Variants in FLT3 observed in about 807,000 individuals in gnomAD.
The protein encoded by FLT3 is fms related receptor tyrosine kinase 3.
FLT3 carries 46 observed loss-of-function variants against 126.6 expected under a neutral mutation model. That is an observed-to-expected ratio of 0.36 (90% CI 0.29 to 0.46). The LOEUF is 0.46. Ranked by LOEUF, FLT3 falls within the 20% of genes least tolerant of loss-of-function variation. The pLI is 1.00. For synonymous variants in FLT3, 404 were observed against 434.4 expected (o/e 0.93, Z 0.87); for missense variants, 1,069 against 1,190.3 (o/e 0.90, Z 1.50).
intron 3 of FLT3, among the ~76,000 whole-genome samples, chr13:28,058,363 T>G (rs1279424455): frequency 6.6e-6 from 1 of 150,792 alleles, no homozygotes; most frequent in African/African-American, 2.4e-5. Context: ...AAATACAAAA[T>G]TAGCTGGGTG....
In FLT3 at chr13:28,100,475, C is replaced by G. The variant is rs536837435; in HGVS notation, c.36G>C (p.Pro12=). Residue 12 remains proline (P), a synonymous_variant, in exon 1 of 24, where the codon CCG becomes CCC. Transcript: ENST00000241453. This position sits in a 1 kb window ranked among gnomAD's most constrained non-coding sequence, Gnocchi z 4.8. ...PALARDGGQL[P]LLVVFSAMIF... ...GAGCGAGCGGGGCCTTACCGAGCAG[C>G]GGCAGCTGGCCGCCGTCGCGCGCCA... 3 of 1,217,598 alleles carry G rather than the reference C, an allele frequency of 2.5e-6. No individual in the cohort carries two copies. Among genetic ancestry groups the G allele is most frequent in the South Asian group, 8.3e-5 (2 of 24,234 alleles). The allele number at this position is 1,217,598 out of a possible 1,614,324, so 75.4% of individuals were successfully genotyped here. A position where few individuals can be genotyped will look rare whatever the true frequency, so the allele number is the denominator to read the frequency against.
chr13:28,049,273 A>C, intron 8 of FLT3, 111 bp downstream of exon 8: 1 of 969,958 alleles, frequency 1.0e-6, no homozygotes, highest in South Asian at 1.6e-5. Flanking sequence ...TTTCTTTCTT[A>C]GTGTTTGATA....
At chr13:28,037,364 G>A (rs1873928261) in intron 9 of FLT3, 76 bp from the exon 10 acceptor site, 1 of 854,000 alleles carries the variant, frequency 1.2e-6, no homozygotes, top group East Asian at 2.4e-5. Flanking sequence ...AGTGTGCATG[G>A]GAGGTGTCTT....
intron 9 of FLT3, 79 bp downstream of exon 9, chr13:28,048,196 A>G (rs1875077030): frequency 8.6e-6 from 10 of 1,158,682 alleles, no homozygotes; most frequent in Non-Finnish European, 1.1e-5. Context: ...TTCCATAAGT[A>G]TAAAACTGTC....
chr13:28,065,696 C>T (rs1434893084), intron 2 of FLT3, among the ~76,000 whole-genome samples: 2 of 141,344 alleles, frequency 1.4e-5, no homozygotes, highest in Non-Finnish European at 3.0e-5. Flanking sequence ...GGTGTGGTGG[C>T]TCACGCCTGT....
At chr13:28,081,329 G>A (rs961420097) in intron 1 of FLT3, among the ~76,000 whole-genome samples, 1 of 151,986 alleles carries the variant, frequency 6.6e-6, no homozygotes, top group Non-Finnish European at 1.5e-5. Context: ...TTTTCATTAT[G>A]GGTCTTGCCC....
chr13:28,088,912 G>A (rs1878858884), intron 1 of FLT3, among the ~76,000 whole-genome samples: 1 of 152,190 alleles, frequency 6.6e-6, no homozygotes, highest in East Asian at 1.9e-4. Context: ...ATGAAGACAA[G>A]CCACAGACTG....
intron 9 of FLT3, among the ~76,000 whole-genome samples, chr13:28,041,723 G>A (rs1429277124): frequency 1.3e-5 from 2 of 152,208 alleles, no homozygotes; most frequent in Non-Finnish European, 2.9e-5. Context: ...CTGATTGGGA[G>A]ATGCAAAGCT....
rs762970489 is a variant in FLT3, at chr13:28,027,116, G to A, written c.2179C>T (p.Pro727Ser). 2.5e-6 allele frequency: 4 copies of A among 1,613,476 alleles called. No individual in the cohort carries two copies. Among genetic ancestry groups the A allele is most frequent in the Admixed American group, 1.7e-5 (1 of 59,910 alleles). Residue 727 changes from proline (P) to serine (S), a missense_variant, in exon 17 of 24, where the codon CCC (proline) becomes TCC (serine). Coordinates refer to ENST00000241453, the MANE Select transcript of FLT3 (RefSeq NM_004119.3). ...IFKEHNFSFYPTFQSHPNSSM... is the reference protein window; with the variant it reads ...IFKEHNFSFYSTFQSHPNSSM... ...GAATTTGGATGTGATTGGAAAGTGG[G>A]GTAAAAACTGAAATTGTGTTCCTTG...
intron 19 of FLT3, among the ~76,000 whole-genome samples, chr13:28,019,370 A>G (rs1012080583): frequency 6.6e-6 from 1 of 152,206 alleles, no homozygotes; most frequent in African/African-American, 2.4e-5. Context: ...GGAGAGGTTT[A>G]CTGAACTGGA....
chr13:28,088,774 C>T (rs868184548), intron 1 of FLT3, among the ~76,000 whole-genome samples: 1 of 151,258 alleles, frequency 6.6e-6, no homozygotes, highest in Admixed American at 6.6e-5. Flanking sequence ...TTCGTAGAGA[C>T]GGGGTTTCAC....
At chr13:28,098,539 C>G (rs1421075868) in intron 1 of FLT3, among the ~76,000 whole-genome samples, 2 of 152,188 alleles carry the variant, frequency 1.3e-5, no homozygotes, top group East Asian at 3.9e-4. Flanking sequence ...ATTGGTGTAA[C>G]CACTGTGGAA....
intron 17 of FLT3, among the ~76,000 whole-genome samples, chr13:28,026,403 C>T (rs1872809350): frequency 6.7e-6 from 1 of 149,146 alleles, no homozygotes; most frequent in Admixed American, 6.7e-5. Context: ...CGAATGCCTC[C>T]ATCAGAATGC....
chr13:28,011,350 A>AGGGGAGGGGG (rs1871342435), intron 23 of FLT3, among the ~76,000 whole-genome samples: 1 of 77,734 alleles, frequency 1.3e-5, no homozygotes, highest in African/African-American at 4.8e-5. Context: ...AGGGGAGGGG[A>AGGGGAGGGGG]GGGGAGGGGA....
At chr13:28,012,305 A>T (rs1228437410) in intron 23 of FLT3, among the ~76,000 whole-genome samples, 1 of 152,158 alleles carries the variant, frequency 6.6e-6, no homozygotes, top group Non-Finnish European at 1.5e-5. Context: ...GGCCCCCTGA[A>T]CACAGGAAAG....
At chr13:28,083,170 G>A (rs1338359714) in intron 1 of FLT3, among the ~76,000 whole-genome samples, 3 of 152,174 alleles carry the variant, frequency 2.0e-5, no homozygotes, top group Non-Finnish European at 4.4e-5. Flanking sequence ...AGTTTGCTAA[G>A]AGGTTTTTGT....
intron 1 of FLT3, among the ~76,000 whole-genome samples, chr13:28,071,323 T>C (rs1039099380): frequency 6.6e-6 from 1 of 151,960 alleles, no homozygotes; most frequent in Admixed American, 6.6e-5. Context: ...TATATTCTTT[T>C]TTTCTCTATG....
rs143549114 is a variant in FLT3, at chr13:28,022,727, G to A, written c.2418+623C>T. ...AGGAAGGAAGGTAGCCAGAGAGTGG[G>A]CTATGATCTGCTTATAGGCAGGAGA... On this transcript the variant is annotated intron_variant, in intron 19 of 23. Coordinates refer to ENST00000241453, the MANE Select transcript of FLT3 (RefSeq NM_004119.3). 6.2e-4 allele frequency among the ~76,000 whole-genome samples: 95 copies of A among 152,268 alleles called. 1 individual carries two copies. The East Asian group carries it at 0.015, about 25-fold the overall frequency.
chr13:28,062,432 G>A (rs1461856365), intron 2 of FLT3, among the ~76,000 whole-genome samples: 1 of 152,032 alleles, frequency 6.6e-6, no homozygotes, highest in African/African-American at 2.4e-5. Context: ...CCTAAATCCA[G>A]TATGACTCGT....
Sources: gnomAD v4.1 joint callset for allele counts (sites outside exome capture counted in the v4.1 genomes callset) on GRCh38, gnomAD v4.1.1 for gene constraint, Gnocchi (gnomAD v3.1) non-coding constraint, MANE v1.5 for transcripts, NCBI Gene and HGNC (gene_info 2026-07-23, HGNC 2026-07-21) for gene names.